Variants in CEP63 observed in about 807,000 individuals in gnomAD.
The protein encoded by CEP63 is centrosomal protein of 63 kDa.
A neutral mutation model predicts 89.1 loss-of-function variants in CEP63; 84 were observed. The observed-to-expected ratio is 0.94, with a 90% CI of 0.79 to 1.13. The LOEUF is 1.13. CEP63 is among the 50% of genes most tolerant of loss of function. The pLI is 0.00. For missense variants in CEP63, 838 were observed against 813.3 expected (o/e 1.03, Z -0.37); for synonymous variants, 267 against 272.5 (o/e 0.98, Z 0.20).
chr3:134,652,874 A>G, the CEP63 span, among the ~76,000 whole-genome samples: 1 of 152,160 alleles, frequency 6.6e-6, no homozygotes, highest in African/African-American at 2.4e-5. Flanking sequence ...AAGCCTGTGT[A>G]CAGCACCCTT....
chr3:134,631,715 A>G, the CEP63 span, among the ~76,000 whole-genome samples: 1 of 152,104 alleles, frequency 6.6e-6, no homozygotes, highest in African/African-American at 2.4e-5. Flanking sequence ...TATTATGGAG[A>G]TATAGTAAAA....
the CEP63 span, among the ~76,000 whole-genome samples, chr3:134,775,500 G>T: frequency 1.3e-5 from 2 of 152,138 alleles, no homozygotes; most frequent in Non-Finnish European, 2.9e-5. Flanking sequence ...TTGGCCAAAG[G>T]CAATTCTCCA....
chr3:134,717,423 TAA>T, the CEP63 span, among the ~76,000 whole-genome samples: 4 of 152,308 alleles, frequency 2.6e-5, no homozygotes, highest in South Asian at 6.2e-4. Flanking sequence ...ACCACTTTCT[TAA>T]GTTAGCTTGG....
chr3:134,510,760 C>A (rs192305496), intron 3 of CEP63: 2 of 390,018 alleles, frequency 5.1e-6, no homozygotes, highest in African/African-American at 2.2e-5. Context: ...TGTGGAGATT[C>A]CTCTGCCTCT....
chr3:134,641,443 G>C, the CEP63 span, among the ~76,000 whole-genome samples: 1 of 152,118 alleles, frequency 6.6e-6, no homozygotes, highest in Non-Finnish European at 1.5e-5. Context: ...AAGCAGAGAA[G>C]GCAATGTGAC....
the CEP63 span, among the ~76,000 whole-genome samples, chr3:134,667,331 G>A: frequency 7.2e-5 from 11 of 152,162 alleles, no homozygotes; most frequent in African/African-American, 2.4e-4. Flanking sequence ...AGGAGAGGAA[G>A]GGTGGGGGTG....
chr3:134,497,888 T>C (rs1940685843), intron 2 of CEP63, among the ~76,000 whole-genome samples: 1 of 152,106 alleles, frequency 6.6e-6, no homozygotes, highest in African/African-American at 2.4e-5. Context: ...GGGCTGTAAA[T>C]ACAATTTCTG....
the CEP63 span, among the ~76,000 whole-genome samples, chr3:134,747,086 A>G: frequency 7.9e-5 from 9 of 114,552 alleles, no homozygotes; most frequent in African/African-American, 2.3e-4. Flanking sequence ...ATCCATCTTG[A>G]ATTAATTTTT....
At chr3:134,614,540 C>T in the CEP63 span, among the ~76,000 whole-genome samples, 7 of 152,020 alleles carry the variant, frequency 4.6e-5, no homozygotes, top group Admixed American at 4.6e-4. Context: ...GACCACATGG[C>T]CACCAAATGT....
At chr3:134,608,578 C>A in the CEP63 span, 1 of 1,612,396 alleles carries the variant, frequency 6.2e-7, no homozygotes. Flanking sequence ...CAGTCTCAGG[C>A]GGGCTCCTGG....
intron 2 of CEP63, among the ~76,000 whole-genome samples, chr3:134,497,563 T>G (rs1221313817): frequency 6.6e-6 from 1 of 151,934 alleles, no homozygotes; most frequent in Non-Finnish European, 1.5e-5. Context: ...AGAGATGAGA[T>G]CTCATTGTGT....
the CEP63 span, among the ~76,000 whole-genome samples, chr3:134,597,061 C>T: frequency 6.6e-6 from 1 of 152,246 alleles, no homozygotes; most frequent in East Asian, 1.9e-4. Context: ...CTAAGGGGCT[C>T]TCAGGGAGAG....
At chr3:134,752,135 C>T in the CEP63 span, among the ~76,000 whole-genome samples, 1 of 152,126 alleles carries the variant, frequency 6.6e-6, no homozygotes, top group East Asian at 1.9e-4. Flanking sequence ...AGAACCCCAG[C>T]ACTTAAAGGG....
At chr3:134,648,252 G>A in the CEP63 span, among the ~76,000 whole-genome samples, 4 of 152,128 alleles carry the variant, frequency 2.6e-5, no homozygotes, top group African/African-American at 7.2e-5. Flanking sequence ...TGCTGCTTAC[G>A]GTACTGTTCC....
chr3:134,631,152 T>C, the CEP63 span, among the ~76,000 whole-genome samples: 1 of 152,112 alleles, frequency 6.6e-6, no homozygotes, highest in South Asian at 2.1e-4. Context: ...AGAAATAATA[T>C]GATGCAGAAA....
At chr3:134,596,843 T>C in the CEP63 span, among the ~76,000 whole-genome samples, 1 of 152,154 alleles carries the variant, frequency 6.6e-6, no homozygotes, top group Non-Finnish European at 1.5e-5. Context: ...AAGTGTGACA[T>C]GAACATGGAA....
the CEP63 span, among the ~76,000 whole-genome samples, chr3:134,769,243 G>A: frequency 2.0e-5 from 3 of 152,120 alleles, no homozygotes; most frequent in Middle Eastern, 3.2e-3. Context: ...GCATTACCTG[G>A]GAATCTGTAA....
intron 3 of CEP63, among the ~76,000 whole-genome samples, chr3:134,524,035 T>C (rs1181933835): frequency 6.6e-6 from 1 of 152,220 alleles, no homozygotes; most frequent in Non-Finnish European, 1.5e-5. Context: ...GGAATGTTTT[T>C]CCATTTGTTT....
chr3:134,516,079 G>A (rs1031895822), intron 3 of CEP63, among the ~76,000 whole-genome samples: 5 of 152,166 alleles, frequency 3.3e-5, no homozygotes, highest in African/African-American at 1.2e-4. Flanking sequence ...GGAGGATCCC[G>A]CTGGCCTCTG....
Sources: allele counts gnomAD v4.1 joint callset (sites outside exome capture counted in the v4.1 genomes callset), GRCh38; gene constraint gnomAD v4.1.1; transcripts MANE v1.5; gene names NCBI Gene and HGNC (gene_info 2026-07-23, HGNC 2026-07-21).